The following ARMC8 variants were observed in gnomAD, a reference collection of about 807,000 sequenced individuals.
ARMC8 encodes armadillo repeat-containing protein 8.
In ARMC8, 20 loss-of-function variants were observed where a neutral mutation model predicts 99.3. The observed-to-expected ratio is 0.20, with a 90% CI of 0.14 to 0.29. ARMC8 has a LOEUF of 0.29. ARMC8 is among the 10% of genes least tolerant of loss of function. ARMC8 has a pLI of 1.00. For missense variants in ARMC8, 569 were observed against 809.5 expected, an observed-to-expected ratio of 0.70 and a Z score of 3.60; for synonymous variants, 263 against 278.3, an observed-to-expected ratio of 0.95 and a Z score of 0.55.
intron 7 of ARMC8, 180 bp from the exon 8 acceptor site, chr3:138,237,129 T>C (rs1222491176): frequency 5.7e-6 from 3 of 522,168 alleles, no homozygotes; most frequent in Non-Finnish European, 9.9e-6. Context: ...TTCTAACTTT[T>C]ATAGTTAATT....
chr3:138,245,413 CTT>C, intron 12 of ARMC8: 1 of 1,360,596 alleles, frequency 7.3e-7, no homozygotes, highest in Non-Finnish European at 9.5e-7. Context: ...AACTGGCGTG[CTT>C]TTTTTTTGTG....
At chr3:138,274,703 T>C (rs538053638) in intron 18 of ARMC8, among the ~76,000 whole-genome samples, 159 bp downstream of exon 18, 1 of 152,284 alleles carries the variant, frequency 6.6e-6, no homozygotes, top group South Asian at 2.1e-4. Flanking sequence ...CCTTAAACTC[T>C]CTTTAAGACT....
At chr3:138,237,834 C>T (rs912017461) in intron 9 of ARMC8, among the ~76,000 whole-genome samples, 3 of 152,092 alleles carry the variant, frequency 2.0e-5, no homozygotes, top group African/African-American at 7.2e-5. Flanking sequence ...CCTCAAACTA[C>T]TGTCCTTCTA....
At chr3:138,292,098 C>T (rs1245599937) in intron 21 of ARMC8, among the ~76,000 whole-genome samples, 2 of 152,012 alleles carry the variant, frequency 1.3e-5, no homozygotes, top group Non-Finnish European at 2.9e-5. Flanking sequence ...AGTGCAATGG[C>T]GTGATCTTGG....
chr3:138,283,303 G>T (rs1217049623), intron 18 of ARMC8, among the ~76,000 whole-genome samples: 1 of 152,186 alleles, frequency 6.6e-6, no homozygotes, highest in Non-Finnish European at 1.5e-5. Flanking sequence ...GTCTTGCAAA[G>T]AAAAAGTTTA....
chr3:138,254,505 A>G (rs1299192705), intron 12 of ARMC8, among the ~76,000 whole-genome samples: 1 of 152,186 alleles, frequency 6.6e-6, no homozygotes, highest in African/African-American at 2.4e-5. Flanking sequence ...GGCAAACAGG[A>G]GGAGACAGAT....
chr3:138,212,830 A>G (rs1016177394), intron 2 of ARMC8, among the ~76,000 whole-genome samples: 1 of 152,208 alleles, frequency 6.6e-6, no homozygotes, highest in African/African-American at 2.4e-5. Context: ...GGGAAGGAAA[A>G]GGTAGAGGCC....
At chr3:138,292,054 C>T (rs913903530) in intron 21 of ARMC8, among the ~76,000 whole-genome samples, 6 of 151,174 alleles carry the variant, frequency 4.0e-5, no homozygotes, top group African/African-American at 7.3e-5. Flanking sequence ...TCTTTTCTTT[C>T]GAGATGGAGT....
chr3:138,234,933 G>A (rs1473721435), intron 6 of ARMC8, 101 bp from the exon 7 acceptor site: 1 of 904,808 alleles, frequency 1.1e-6, no homozygotes, highest in Non-Finnish European at 1.8e-6. Flanking sequence ...ACAGGATTCT[G>A]TACTGTAGTG....
At chr3:138,225,476 C>A (rs1262730452) in intron 5 of ARMC8, among the ~76,000 whole-genome samples, 1 of 152,180 alleles carries the variant, frequency 6.6e-6, no homozygotes, top group East Asian at 1.9e-4. Flanking sequence ...ATGGGGCTTT[C>A]TTACTGACAG....
chr3:138,209,826 G>A lies in ARMC8; in HGVS notation c.55G>A (p.Ala19Thr). The change falls in exon 2 of 22, where the codon GCT becomes ACT. Residue 19 changes from alanine to threonine, a missense_variant. Around this residue, in one of 2 missense-constraint regions of ARMC8, gnomAD observed 342 missense variants for 391.6 expected, o/e 0.87. Transcript: ENST00000469044. The stretch of plus-strand genomic sequence containing the variant: ...TCCCCCCACTTTCTAGGAAGTAACA[G>A]CTAGCAGTCGCCACTATGTTGACAG... Reference protein sequence around the residue: ...IRMSVLSEVTASSRHYVDRLF... With the variant: ...IRMSVLSEVTTSSRHYVDRLF... 6.2e-7 allele frequency: 1 copy of A among 1,613,768 alleles called. No individual in the cohort carries two copies. The highest frequency in any genetic ancestry group is 8.5e-7 in the Non-Finnish European group (1 of 1,179,770).
intron 2 of ARMC8, among the ~76,000 whole-genome samples, chr3:138,219,104 T>G (rs1020897337): frequency 2.6e-5 from 4 of 152,176 alleles, no homozygotes; most frequent in Non-Finnish European, 4.4e-5. Flanking sequence ...AGGCCAATCC[T>G]GAGTTGTAGC....
At chr3:138,288,474 G>A (rs552003125) in intron 19 of ARMC8, among the ~76,000 whole-genome samples, 19 of 152,060 alleles carry the variant, frequency 1.2e-4, no homozygotes, top group Non-Finnish European at 4.4e-5. Context: ...CCAGCCAGAT[G>A]GTTTTTTAAA....
intron 1 of ARMC8, among the ~76,000 whole-genome samples, chr3:138,201,192 G>A (rs1295866442): frequency 6.6e-6 from 1 of 151,414 alleles, no homozygotes; most frequent in African/African-American, 2.4e-5. Flanking sequence ...GATTACAGGC[G>A]TGAGCTATGC....
chr3:138,271,650 C>A (rs2048799551), intron 16 of ARMC8, among the ~76,000 whole-genome samples: 1 of 152,192 alleles, frequency 6.6e-6, no homozygotes, highest in Non-Finnish European at 1.5e-5. Flanking sequence ...GGTCTCTTGA[C>A]ACATAGAGTA....
At chr3:138,229,172 A>ATGTATATG (rs1352181966) in intron 6 of ARMC8, 162 bp downstream of exon 6, 14 of 37,548 alleles carry the variant, frequency 3.7e-4, no homozygotes, top group African/African-American at 7.9e-4. Flanking sequence ...ATATATATAT[A>ATGTATATG]TATATATATA....
intron 20 of ARMC8, among the ~76,000 whole-genome samples, chr3:138,289,975 A>C (rs1198949498): frequency 6.6e-6 from 1 of 152,152 alleles, no homozygotes; most frequent in Non-Finnish European, 1.5e-5. Context: ...CCGCCCACAG[A>C]CCTAGATACC....
intron 17 of ARMC8, 123 bp downstream of exon 17, chr3:138,273,239 C>T: frequency 9.4e-7 from 1 of 1,065,662 alleles, no homozygotes. Context: ...TGCCCCCTTC[C>T]AAAGAAACAA....
intron 17 of ARMC8, among the ~76,000 whole-genome samples, chr3:138,273,777 C>G (rs1389310530): frequency 1.3e-5 from 2 of 151,652 alleles, no homozygotes; most frequent in East Asian, 3.9e-4. Context: ...TTTTCCATGT[C>G]TCTGGCTTCC....
Sources: gnomAD v4.1 joint callset for allele counts (sites outside exome capture counted in the v4.1 genomes callset) on GRCh38, gnomAD v4.1.1 for gene constraint, gnomAD v4.1.1 regional missense constraint, MANE v1.5 for transcripts, NCBI Gene and HGNC (gene_info 2026-07-23, HGNC 2026-07-21) for gene names.